ARVCF: variants seen among roughly 807,000 people sequenced by gnomAD.
ARVCF encodes splicing regulator ARVCF.
In ARVCF, 66 loss-of-function variants were observed where a neutral mutation model predicts 90.9. The observed-to-expected ratio is 0.73, with a 90% CI of 0.60 to 0.89. The LOEUF (loss-of-function observed/expected upper bound fraction) is 0.89. Ranked by LOEUF, ARVCF falls within the 40% of genes least tolerant of loss-of-function variation. ARVCF has a pLI of 0.00. For missense variants in ARVCF, 1,469 were observed against 1,382.3 expected, an observed-to-expected ratio of 1.06 and a Z score of -1.00; for synonymous variants, 653 against 603.4, an observed-to-expected ratio of 1.08 and a Z score of -1.21.
At chr22:19,968,385 G>T (rs1569137897), downstream of ARVCF, 2 of 746,886 alleles carry the variant, frequency 2.7e-6, no homozygotes, top group Non-Finnish European at 2.3e-6. Flanking sequence ...TTTCCTGCAG[G>T]AGTCACGCTG....
rs761063363 is a variant in ARVCF, at chr22:19,974,210, C to T, written c.1990G>A (p.Val664Ile). 1.2e-6 allele frequency: 2 copies of T among 1,612,246 alleles called. No homozygotes were observed. Among genetic ancestry groups the T allele is most frequent in the South Asian group, 1.1e-5 (1 of 91,014 alleles). Residue 664 changes from valine to isoleucine, a missense_variant, in exon 12 of 20, where the codon GTA becomes ATA. Val to Ile is a conservative substitution (Grantham distance 29). Transcript: ENST00000263207. The stretch of plus-strand genomic sequence containing the variant: ...GTGAGGAGGGAGAGGTAGAGACGTA[C>T]CACCTCGGGCTGGTACAGCAGCTCA... ...GFELLYQPEV[V>I]RLYLSLLTES...
In ARVCF at chr22:19,980,031, G is replaced by A; in HGVS notation, c.1108C>T (p.Pro370Ser). The A allele has an allele frequency of 6.3e-7, 1 of 1,589,230 alleles. No homozygotes were observed. The highest frequency in any genetic ancestry group is 8.6e-7 in the Non-Finnish European group (1 of 1,167,588). The change falls in exon 6 of 20, where the codon CCC (proline) becomes TCC (serine). Residue 370 changes from proline to serine, a missense_variant. Physicochemically the swap from Pro to Ser is moderately conservative, Grantham distance 74. Coordinates refer to ENST00000263207, the MANE Select transcript of ARVCF (RefSeq NM_001670.3). Reference sequence around the variant, plus strand: ...GCATTGGCCTTCACGGGGTCCACGGGGTGCCGCAGCATGGCCAGCACCTCA... The same window carrying A: ...GCATTGGCCTTCACGGGGTCCACGGAGTGCCGCAGCATGGCCAGCACCTCA... ...LPEVLAMLRH[P>S]VDPVKANAAA...
chr22:19,978,850 C>T (rs531302063), intron 7 of ARVCF, 47 bp downstream of exon 7: 33 of 1,570,786 alleles, frequency 2.1e-5, no homozygotes, highest in South Asian at 7.0e-5. Flanking sequence ...ACCACGAGGA[C>T]GGGGCCTGGT....
At chr22:19,981,155 G>T in intron 5 of ARVCF, 56 bp downstream of exon 5, 1 of 1,461,542 alleles carries the variant, frequency 6.8e-7, no homozygotes, top group South Asian at 1.4e-5. Flanking sequence ...TGTAGTTGGG[G>T]GGTGGAGGGC....
intron 2 of ARVCF, among the ~76,000 whole-genome samples, chr22:19,994,239 G>A (rs1326854705): frequency 6.6e-6 from 1 of 150,998 alleles, no homozygotes; most frequent in Non-Finnish European, 1.5e-5. Context: ...GATGGGGGAT[G>A]GTGGGGAATG....
rs1171461306 is a variant in ARVCF, at chr22:19,973,716, G to C, written c.2166C>G (p.Thr722=). 2.5e-6 allele frequency: 4 copies of C among 1,609,916 alleles called. No individual in the cohort carries two copies. The highest frequency in any genetic ancestry group is 1.7e-6 in the Non-Finnish European group (2 of 1,179,918). Residue 722 remains threonine (T), a synonymous_variant, in exon 13 of 20, where the codon ACC becomes ACG. Coordinates refer to ENST00000263207, the MANE Select transcript of ARVCF (RefSeq NM_001670.3). ...TGGCGACGGCGCGCACCACCTTGTC[G>C]GTCTCAGACTGCAGCAGTTCCACAA... ...PVLVELLQSE[T]DKVVRAVAIA...
rs1462564759 is a variant in ARVCF at position 19,972,940 on chromosome 22, G to A, written c.2535C>T (p.Thr845=). ...GAAGCCGCACCTGGAAGCGCGCCTT[G>A]GTCCAACCATCTTTCTGCAAGGTAC... is the stretch of plus-strand genomic sequence containing the variant. The part of the protein sequence containing the change: ...LRGTLQKDGW[T]KARFQSAAAT... Residue 845 remains threonine (T), a synonymous_variant, in exon 15 of 20, where the codon ACC becomes ACT. Transcript: ENST00000263207. 2 of 1,613,858 alleles carry A rather than the reference G, an allele frequency of 1.2e-6. No individual in the cohort carries two copies. Among genetic ancestry groups the A allele is most frequent in the Admixed American group, 3.3e-5 (2 of 60,032 alleles).
chr22:19,985,441 A>AG (rs1159636217), intron 3 of ARVCF, among the ~76,000 whole-genome samples: 1 of 152,140 alleles, frequency 6.6e-6, no homozygotes, highest in African/African-American at 2.4e-5. Context: ...TGCTCACAAG[A>AG]GGGTCCCGGG....
chr22:20,005,188 A>G (rs969700105), intron 2 of ARVCF, among the ~76,000 whole-genome samples: 4 of 152,214 alleles, frequency 2.6e-5, no homozygotes, highest in African/African-American at 9.6e-5. Flanking sequence ...AAAACTTAAC[A>G]ACAGCAAAAA....
chr22:19,968,770 C>T (rs1435060488), downstream of ARVCF: 2 of 1,590,524 alleles, frequency 1.3e-6, no homozygotes, highest in East Asian at 2.2e-5. Flanking sequence ...GGCTCTCTCA[C>T]CCAGCCTGGT....
chr22:20,015,691 C>A (rs5992505), intron 1 of ARVCF, among the ~76,000 whole-genome samples: 1 of 152,138 alleles, frequency 6.6e-6, no homozygotes, highest in Non-Finnish European at 1.5e-5. Context: ...GTTTCCCCCA[C>A]AGCAGCCTGG....
chr22:20,002,915 T>C (rs1037205283), intron 2 of ARVCF, among the ~76,000 whole-genome samples: 8 of 152,166 alleles, frequency 5.3e-5, no homozygotes, highest in Non-Finnish European at 8.8e-5. Flanking sequence ...GCTCAGGAAA[T>C]TCATGGGTTT....
Position 19,970,825 on chromosome 22 carries a change from C to T in ARVCF, c.*13-82G>A, listed in dbSNP as rs1319128726. Reference sequence around the variant, plus strand: ...TGTAACCTCAGGGCAGGGCAGCCAACTCCACAGGCTACATGGATGGAGATG... The same window carrying T: ...TGTAACCTCAGGGCAGGGCAGCCAATTCCACAGGCTACATGGATGGAGATG... On this transcript the variant is annotated intron_variant, in intron 19 of 19. Coordinates refer to ENST00000263207, the MANE Select transcript of ARVCF (RefSeq NM_001670.3). 9.3e-6 allele frequency: 12 copies of T among 1,285,360 alleles called. No individual in the cohort carries two copies. In the African/African-American group the frequency reaches 1.8e-4, roughly 19 times the overall value. The allele number at this position is 1,285,360 out of a possible 1,614,324, so 79.6% of individuals were successfully genotyped here. A position where few individuals can be genotyped will look rare whatever the true frequency, so the allele number is the denominator to read the frequency against.
intron 5 of ARVCF, chr22:19,980,900 GA>G (rs1194067513): frequency 4.2e-5 from 15 of 360,024 alleles, no homozygotes; most frequent in Non-Finnish European, 6.5e-5. Context: ...GGGCAATGGG[GA>G]CAGAACCAGG....
At chr22:19,980,846 C>A in intron 5 of ARVCF, 1 of 246,716 alleles carries the variant, frequency 4.1e-6, no homozygotes. Context: ...AAAATCCTGA[C>A]CCGGGCTGTG....
At chr22:19,975,814 C>A in intron 10 of ARVCF, 57 bp from the exon 11 acceptor site, 1 of 1,579,580 alleles carries the variant, frequency 6.3e-7, no homozygotes, top group South Asian at 1.1e-5. Flanking sequence ...ATGGGTGTAT[C>A]AGGAGAGTTG....
chr22:19,972,535 G>A (rs117249364), intron 16 of ARVCF, 124 bp from the exon 17 acceptor site: 2 of 1,307,670 alleles, frequency 1.5e-6, no homozygotes, highest in Non-Finnish European at 2.1e-6. Context: ...CCCAACCTCT[G>A]CCAGCTGGCA....
intron 1 of ARVCF, among the ~76,000 whole-genome samples, chr22:20,014,837 G>C (rs188230226): frequency 6.8e-4 from 103 of 152,308 alleles, no homozygotes; most frequent in Middle Eastern, 3.4e-3. Context: ...ACAGCCTCAT[G>C]CTCCCCCAGG....
intron 5 of ARVCF, chr22:19,980,604 C>G (rs1304111897): frequency 4.1e-6 from 1 of 245,644 alleles, no homozygotes; most frequent in Non-Finnish European, 7.7e-6. Flanking sequence ...TTCCACAAAA[C>G]CACCCCATCT....
Sources: gnomAD v4.1 joint callset for allele counts (sites outside exome capture counted in the v4.1 genomes callset) on GRCh38, gnomAD v4.1.1 for gene constraint, MANE v1.5 for transcripts, NCBI Gene and HGNC (gene_info 2026-07-23, HGNC 2026-07-21) for gene names.